Variants in BRD7 observed in about 807,000 individuals in gnomAD.
BRD7 encodes bromodomain containing 7.
BRD7 carries 15 observed loss-of-function variants against 82.1 expected under a neutral mutation model. That is an observed-to-expected ratio of 0.18 (90% CI 0.12 to 0.28). The LOEUF is 0.28. Ranked by LOEUF, BRD7 falls within the 10% of genes least tolerant of loss-of-function variation. The probability of loss-of-function intolerance (pLI) is 1.00; values close to 1 mark genes in which losing one functional copy is unlikely to be tolerated. For missense variants in BRD7, 638 were observed against 779.9 expected (o/e 0.82, Z 2.17); for synonymous variants, 232 against 266.9 (o/e 0.87, Z 1.27).
chr16:50,334,627 C>T (rs1343096642), intron 7 of BRD7, 84 bp downstream of exon 7: 10 of 1,512,186 alleles, frequency 6.6e-6, no homozygotes, highest in Admixed American at 1.9e-5. Flanking sequence ...CTTGGTCTTC[C>T]CAAGTCAGGC....
intron 2 of BRD7, among the ~76,000 whole-genome samples, chr16:50,366,361 A>G (rs9924203): frequency 0.23 from 34,619 of 152,122 alleles, 4,456 homozygotes; most frequent in African/African-American, 0.33. Context: ...AGGAGACAGA[A>G]AGCTGTAAGA....
At chr16:50,356,105 C>T (rs2038720623) in intron 2 of BRD7, among the ~76,000 whole-genome samples, 1 of 152,206 alleles carries the variant, frequency 6.6e-6, no homozygotes, top group Non-Finnish European at 1.5e-5. Context: ...GATTTAAAAA[C>T]TAGAAGGCAT....
In BRD7 at chr16:50,320,662, C is replaced by A; in HGVS notation, c.1612+1G>T. ...CAATCAAACCCTCTGGAGACACTTACCTTCAGAGTCAAAAACTTCAACTGG... is the reference window on the plus strand; with the variant it reads ...CAATCAAACCCTCTGGAGACACTTAACTTCAGAGTCAAAAACTTCAACTGG... On this transcript the variant is annotated splice_donor_variant, in intron 14 of 16. Coordinates refer to ENST00000394688, the MANE Select transcript of BRD7 (RefSeq NM_013263.5). LOFTEE classifies it high-confidence loss of function. The A allele has an allele frequency of 6.2e-7, 1 of 1,609,314 alleles. No individual in the cohort carries two copies. Among genetic ancestry groups the A allele is most frequent in the Non-Finnish European group, 8.5e-7 (1 of 1,175,824 alleles).
At chr16:50,321,782 A>C (rs1380507881) in intron 13 of BRD7, among the ~76,000 whole-genome samples, 200 bp downstream of exon 13, 1 of 152,096 alleles carries the variant, frequency 6.6e-6, no homozygotes, top group African/African-American at 2.4e-5. Flanking sequence ...TATGGGCTAA[A>C]AACTTGTGGG....
In BRD7 at chr16:50,334,850, A is replaced by C; in HGVS notation, c.748T>G (p.Leu250Val). The change falls in exon 7 of 17, where the codon TTG becomes GTG. Residue 250 changes from leucine to valine, a missense_variant. Leu to Val is a conservative substitution (Grantham distance 32). This residue lies in a region of BRD7 where 402 missense variants were observed against 500.8 expected (regional missense o/e 0.80). Transcript: ENST00000394688. ...TCTTTCTGCTTTCGAGTTTTCTGCAAGTCAGCCATGAAGTCTATGCTCTGC... is the reference window on the plus strand; with the variant it reads ...TCTTTCTGCTTTCGAGTTTTCTGCACGTCAGCCATGAAGTCTATGCTCTGC... The part of the protein sequence containing the change: ...LKQSIDFMAD[L>V]QKTRKQKDGT... The C allele has an allele frequency of 1.9e-6, 3 of 1,614,176 alleles. No homozygotes were observed. Among genetic ancestry groups the C allele is most frequent in the East Asian group, 2.2e-5 (1 of 44,888 alleles).
Position 50,321,578 on chromosome 16 carries a change from A to G in BRD7, c.1500+404T>C, listed in dbSNP as rs1047882542. Among the ~76,000 whole-genome samples the G allele has an allele frequency of 4.0e-3, 598 of 151,084 alleles. 1 individual carries two copies. Among genetic ancestry groups the G allele is most frequent in the African/African-American group, 0.014 (569 of 41,036 alleles). On this transcript the variant is annotated intron_variant, in intron 13 of 16. Transcript: ENST00000394688. The stretch of plus-strand genomic sequence containing the variant: ...CGGGACTCCATCTCAAAAAAAAAAA[A>G]AAAAAAAAAAAAAAAAAGATGGAGT...
chr16:50,363,031 G>GTACT (rs10664110), intron 2 of BRD7, among the ~76,000 whole-genome samples: 22,680 of 152,140 alleles, frequency 0.15, 2,118 homozygotes, highest in Non-Finnish European at 0.21. Context: ...AACCTAGGAT[G>GTACT]TACTATATGC....
intron 5 of BRD7, among the ~76,000 whole-genome samples, chr16:50,343,298 A>G (rs548229328): frequency 2.5e-4 from 38 of 152,318 alleles, no homozygotes; most frequent in African/African-American, 8.4e-4. Flanking sequence ...TGTGATAATG[A>G]GTCCTCACAA....
intron 6 of BRD7, among the ~76,000 whole-genome samples, chr16:50,337,180 G>C (rs1278005978): frequency 6.7e-6 from 1 of 149,628 alleles, no homozygotes; most frequent in Non-Finnish European, 1.5e-5. Context: ...GTACTACTTT[G>C]TTTGTACTAC....
chr16:50,320,598 G>A (rs960647064), intron 14 of BRD7, 65 bp downstream of exon 14: 32 of 1,431,948 alleles, frequency 2.2e-5, no homozygotes, highest in Non-Finnish European at 3.0e-5. Context: ...CTGTACTTAT[G>A]AGACATGAAA....
intron 6 of BRD7, among the ~76,000 whole-genome samples, chr16:50,337,134 G>C (rs540303012): frequency 6.8e-4 from 104 of 152,038 alleles, no homozygotes; most frequent in African/African-American, 2.2e-3. Context: ...TGATTGGTCT[G>C]ATTTCAAAGC....
intron 2 of BRD7, among the ~76,000 whole-genome samples, chr16:50,358,350 T>TCCTGTCTCTACAAAAAATACAAAAATTAG (rs61455994): frequency 0.018 from 2,703 of 151,198 alleles, 37 homozygotes; most frequent in Admixed American, 0.027. Flanking sequence ...CATAGCGAAA[T>TCCTGTCTCTACAAAAAATACAAAAATTAG]CCAGGAGTTT....
intron 12 of BRD7, 124 bp downstream of exon 12, chr16:50,323,463 G>A (rs1176189813): frequency 2.3e-5 from 18 of 791,412 alleles, no homozygotes; most frequent in Non-Finnish European, 3.7e-5. Flanking sequence ...GCCGGGCTGG[G>A]CTGTCTTTCA....
chr16:50,342,977 T>C (rs1265116298), intron 5 of BRD7, among the ~76,000 whole-genome samples: 1 of 152,198 alleles, frequency 6.6e-6, no homozygotes, highest in Non-Finnish European at 1.5e-5. Flanking sequence ...ATAATAGGTA[T>C]ATATATTATA....
intron 5 of BRD7, among the ~76,000 whole-genome samples, chr16:50,346,061 C>G (rs1207348865): frequency 6.6e-6 from 1 of 152,186 alleles, no homozygotes; most frequent in Non-Finnish European, 1.5e-5. Flanking sequence ...GAAATTATAA[C>G]AAACTGTCTC....
intron 5 of BRD7, chr16:50,349,644 G>A (rs1179883366): frequency 2.1e-6 from 1 of 469,460 alleles, no homozygotes; most frequent in African/African-American, 2.0e-5. Context: ...GTGTAAGAAT[G>A]GATTAATACA....
chr16:50,357,472 C>T (rs377480347), intron 2 of BRD7, among the ~76,000 whole-genome samples: 23 of 152,186 alleles, frequency 1.5e-4, no homozygotes, highest in African/African-American at 2.7e-4. Context: ...TTAAATCCTT[C>T]GTCCAGAAAT....
chr16:50,330,350 T>C (rs1023940796), intron 8 of BRD7, among the ~76,000 whole-genome samples: 2 of 151,390 alleles, frequency 1.3e-5, no homozygotes, highest in African/African-American at 2.4e-5. Context: ...TTTTTTTTTT[T>C]TTTTTTTTGA....
chr16:50,316,778 C>T lies in BRD7; in HGVS notation c.*2433G>A, dbSNP rs535531794. On this transcript the variant is annotated 3_prime_UTR_variant, in exon 17 of 17. Coordinates refer to ENST00000394688, the MANE Select transcript of BRD7 (RefSeq NM_013263.5). ...CAGGGTGAGAAATGACCAAACTGCC[C>T]GTGACTTTTTCTGAATGGACTTCAT... 3.0e-4 allele frequency: 46 copies of T among 152,470 alleles called. No homozygotes were observed. Among genetic ancestry groups the T allele is most frequent in the African/African-American group, 1.0e-3 (42 of 41,562 alleles). 9.4% of individuals were successfully genotyped at this position (152,470 alleles called of 1,614,324 possible).
Sources: allele counts gnomAD v4.1 joint callset (sites outside exome capture counted in the v4.1 genomes callset), GRCh38; gene constraint gnomAD v4.1.1; regional missense constraint gnomAD v4.1.1; transcripts MANE v1.5; gene names NCBI Gene and HGNC (gene_info 2026-07-23, HGNC 2026-07-21).